The following ROBO4 variants were observed in gnomAD, a reference collection of about 807,000 sequenced individuals.
ROBO4 encodes the protein roundabout homolog 4.
Under a neutral mutation model 103.3 loss-of-function variants are expected in ROBO4, and 80 were observed. That is an observed-to-expected ratio of 0.77 (90% CI 0.65 to 0.93). The LOEUF (loss-of-function observed/expected upper bound fraction) is 0.93, where lower values mean the gene tolerates loss of function less well. ROBO4 is among the 40% of genes least tolerant of loss of function. The pLI is 0.00. For missense variants in ROBO4, 1,333 were observed against 1,305.3 expected (o/e 1.02, Z -0.33); for synonymous variants, 504 against 529.7 (o/e 0.95, Z 0.67).
rs755405569 is a variant in ROBO4, at chr11:124,886,701, C to A, written c.2557G>T (p.Gly853Trp). 1 of 1,608,944 alleles carries A rather than the reference C, an allele frequency of 6.2e-7. No individual in the cohort carries two copies. The highest frequency in any genetic ancestry group is 2.2e-5 in the East Asian group (1 of 44,778). Residue 853 changes from glycine (G) to tryptophan (W), a missense_variant, in exon 16 of 18, where the codon GGG (glycine) becomes TGG (tryptophan). Physicochemically the swap from Gly to Trp is radical, Grantham distance 184. Transcript: ENST00000306534. ...GRTGGGVGPK[G>W]GVLLCPPRPC... ...CGAGGTGGGCACAGCAAGACTCCCC[C>A]CTTGGGCCCCACCCCTCCTCCAGTC...
Position 124,893,655 on chromosome 11 carries a change from C to G in ROBO4, c.1547+33G>C, listed in dbSNP as rs867768398. On this transcript the variant is annotated intron_variant, in intron 10 of 17. Transcript: ENST00000306534. Reference sequence around the variant, plus strand: ...CAGCTCCACTGTCCCTTGCCACCCTCCCTTACTTCAGACCTCCCCTTTCAC... The same window carrying G: ...CAGCTCCACTGTCCCTTGCCACCCTGCCTTACTTCAGACCTCCCCTTTCAC... 2.5e-6 allele frequency: 4 copies of G among 1,606,898 alleles called. No homozygotes were observed. The African/African-American group carries it at 4.0e-5, about 16-fold the overall frequency.
chr11:124,888,912 C>T (rs747325458), intron 12 of ROBO4, among the ~76,000 whole-genome samples: 19 of 152,084 alleles, frequency 1.2e-4, no homozygotes, highest in Non-Finnish European at 2.5e-4. Context: ...GATTAGTGTC[C>T]CATGACCAGA....
At position 124,897,121 on chromosome 11, in the gene ROBO4, G is replaced by C; in HGVS notation, c.211C>G (p.Pro71Ala). ...GGGTCTGGGGGCACCATGCTCAGGG[G>C]CTGCCCATTCAGCAACCAGCGGATG... ...PTIRWLLNGQPLSMVPPDPHH... is the reference protein window; with the variant it reads ...PTIRWLLNGQALSMVPPDPHH... Residue 71 changes from proline to alanine, a missense_variant, in exon 2 of 18, where the codon CCC (proline) becomes GCC (alanine). Transcript: ENST00000306534. The C allele has an allele frequency of 6.3e-7, 1 of 1,580,432 alleles. No homozygotes were observed. The highest frequency in any genetic ancestry group is 8.6e-7 in the Non-Finnish European group (1 of 1,161,348).
In ROBO4 at chr11:124,892,053, C is replaced by T. The variant is rs1463933675; in HGVS notation, c.1548-251G>A. ...AGAGCTGGGAGGTAGTAATGACAGA[C>T]AGCTATGTATGCTGAGGTAAAAAGA... is the stretch of plus-strand genomic sequence containing the variant. On this transcript the variant is annotated intron_variant, in intron 10 of 17. Transcript: ENST00000306534. 1.3e-5 allele frequency: 9 copies of T among 681,826 alleles called. No homozygotes were observed. In the East Asian group the frequency reaches 2.6e-4, roughly 19 times the overall value. The allele number at this position is 681,826 out of a possible 1,614,324, so 42.2% of individuals were successfully genotyped here.
At position 124,895,213 on chromosome 11, in the gene ROBO4, A is replaced by T; in HGVS notation, c.1037-20T>A. Reference sequence around the variant, plus strand: ...TGGGCACTGGAGGGGTGGAAGAGAGACTATGAGGGGCTCTGAGGGAGAGGA... The same window carrying T: ...TGGGCACTGGAGGGGTGGAAGAGAGTCTATGAGGGGCTCTGAGGGAGAGGA... On this transcript the variant is annotated intron_variant, in intron 6 of 17. Coordinates refer to ENST00000306534, the MANE Select transcript of ROBO4 (RefSeq NM_019055.6). 6.4e-7 allele frequency: 1 copy of T among 1,569,368 alleles called. No homozygotes were observed. Among genetic ancestry groups the T allele is most frequent in the East Asian group, 2.2e-5 (1 of 44,628 alleles).
chr11:124,897,470 G>GCTCTCTCT (rs10553259), intron 1 of ROBO4: 3 of 507,894 alleles, frequency 5.9e-6, no homozygotes, highest in African/African-American at 4.0e-5. Flanking sequence ...TAGCATGTTC[G>GCTCTCTCT]CTCTCTCTCT....
chr11:124,885,068 G>A lies in ROBO4; in HGVS notation c.2974C>T (p.Leu992Phe). 1 of 1,614,186 alleles carries A rather than the reference G, an allele frequency of 6.2e-7. No individual in the cohort carries two copies. The highest frequency in any genetic ancestry group is 1.1e-5 in the South Asian group (1 of 91,084). The change falls in exon 17 of 18, where the codon CTC (leucine) becomes TTC (phenylalanine). Residue 992 changes from leucine to phenylalanine, a missense_variant. Transcript: ENST00000306534. ...DSQISSQRSQLHCRMPKAGAS... is the reference protein window; with the variant it reads ...DSQISSQRSQFHCRMPKAGAS... Reference sequence around the variant, plus strand: ...CCAGCCTTGGGCATACGACAGTGGAGCTGACTTCTCTGGGAAGAGATCTGA... The same window carrying A: ...CCAGCCTTGGGCATACGACAGTGGAACTGACTTCTCTGGGAAGAGATCTGA...
In ROBO4 at chr11:124,884,886, A is replaced by G; in HGVS notation, c.*5T>C. On this transcript the variant is annotated 3_prime_UTR_variant, in exon 18 of 18. Coordinates refer to ENST00000306534, the MANE Select transcript of ROBO4 (RefSeq NM_019055.6). ...TTCCCGTCTGGGAAGTCTCAGGGAC[A>G]CGGTTCAGGAGTAATCTACAGGAGA... 6.2e-7 allele frequency: 1 copy of G among 1,614,206 alleles called. No homozygotes were observed. The highest frequency in any genetic ancestry group is 8.5e-7 in the Non-Finnish European group (1 of 1,180,024).
Position 124,897,833 on chromosome 11 carries a change from T to C in ROBO4, c.-38A>G, listed in dbSNP as rs753215859. The C allele has an allele frequency of 1.3e-6, 2 of 1,535,198 alleles. No homozygotes were observed. Among genetic ancestry groups the C allele is most frequent in the African/African-American group, 2.7e-5 (2 of 73,494 alleles). On this transcript the variant is annotated 5_prime_UTR_variant, in exon 1 of 18. Coordinates refer to ENST00000306534, the MANE Select transcript of ROBO4 (RefSeq NM_019055.6). ...CCCTATGTCCTTGTCCCGAGCACTT[T>C]GTCCTGCTGCTCTGAGCTCACAGTG...
At chr11:124,897,379 T>C in intron 1 of ROBO4, 118 bp from the exon 2 acceptor site, 1 of 796,878 alleles carries the variant, frequency 1.3e-6, no homozygotes, top group Non-Finnish European at 1.9e-6. Flanking sequence ...TAATCTGAAC[T>C]ACTAAAGGTT....
Position 124,884,797 on chromosome 11 carries a change from A to T in ROBO4, c.*94T>A. 1 of 1,414,216 alleles carries T rather than the reference A, an allele frequency of 7.1e-7. No individual in the cohort carries two copies. 87.6% of individuals were successfully genotyped at this position (1,414,216 alleles called of 1,614,324 possible). ...GAAGGTGGACCCCAGCTGCAGAGAAACACAGGCCAAGACCCACACACCACA... is the reference window on the plus strand; with the variant it reads ...GAAGGTGGACCCCAGCTGCAGAGAATCACAGGCCAAGACCCACACACCACA... On this transcript the variant is annotated 3_prime_UTR_variant, in exon 18 of 18. Coordinates refer to ENST00000306534, the MANE Select transcript of ROBO4 (RefSeq NM_019055.6).
intron 13 of ROBO4, 60 bp downstream of exon 13, chr11:124,887,672 GC>G: frequency 6.4e-7 from 1 of 1,561,798 alleles, no homozygotes; most frequent in Non-Finnish European, 8.8e-7. Context: ...GGGCTGGTAA[GC>G]CCCTGCATCC....
Position 124,887,559 on chromosome 11 carries a change from C to G in ROBO4, c.2057-60G>C, listed in dbSNP as rs749350676. ...CATCCCCATCTGCTCTGGAGCTCAG[C>G]CTGCCGGCCTGCCCACCAGCCCCCT... On this transcript the variant is annotated intron_variant, in intron 13 of 17. Transcript: ENST00000306534. 98 of 1,600,602 alleles carry G rather than the reference C, an allele frequency of 6.1e-5. No individual in the cohort carries two copies. The East Asian group carries it at 7.8e-4, about 13-fold the overall frequency.
rs151234078 is a variant in ROBO4, at chr11:124,896,640, C to A, written c.431G>T (p.Arg144Leu). Reference sequence around the variant, plus strand: ...CTCACCCACCACAGCCACCATGTCCCGAGGCTGGATCTGGAAATCCTCCCG... The same window carrying A: ...CTCACCCACCACAGCCACCATGTCCAGAGGCTGGATCTGGAAATCCTCCCG... ...VLREDFQIQPRDMVAVVGEQF... is the reference protein window; with the variant it reads ...VLREDFQIQPLDMVAVVGEQF... The change falls in exon 3 of 18, where the codon CGG becomes CTG. Residue 144 changes from arginine to leucine, a missense_variant. Arg to Leu is a moderately radical substitution (Grantham distance 102, BLOSUM62 -2). Coordinates refer to ENST00000306534, the MANE Select transcript of ROBO4 (RefSeq NM_019055.6). 6.2e-6 allele frequency: 10 copies of A among 1,614,006 alleles called. 1 individual carries two copies. In the South Asian group the frequency reaches 7.7e-5, roughly 12 times the overall value.
chr11:124,889,792 A>G (rs58979646), intron 12 of ROBO4, among the ~76,000 whole-genome samples: 3,152 of 152,262 alleles, frequency 0.021, 109 homozygotes, highest in African/African-American at 0.071. Context: ...AAGAAACAGC[A>G]GTAGAATCAA....
chr11:124,897,418 G>T (rs1181361807), intron 1 of ROBO4, among the ~76,000 whole-genome samples, 157 bp from the exon 2 acceptor site: 1 of 152,160 alleles, frequency 6.6e-6, no homozygotes, highest in African/African-American at 2.4e-5. Context: ...CAGCTAGGAG[G>T]AGAGAGGGCC....
chr11:124,895,824 C>G lies in ROBO4; in HGVS notation c.768G>C (p.Glu256Asp). Residue 256 changes from glutamate (E) to aspartate (D), a missense_variant, in exon 5 of 18, where the codon GAG (glutamate) becomes GAC (aspartate). By Grantham distance (45) the Glu-to-Asp change is conservative. Transcript: ENST00000306534. The stretch of plus-strand genomic sequence containing the variant: ...ACACCGCCGGTCTAGGCTTGGGGCC[C>G]TCTGCAGGATCCGGGTTCAGCAGTG... ...NVTLLNPDPA[E>D]GPKPRPAVWL... 1 of 1,614,178 alleles carries G rather than the reference C, an allele frequency of 6.2e-7. No homozygotes were observed. The highest frequency in any genetic ancestry group is 8.5e-7 in the Non-Finnish European group (1 of 1,180,048).
At chr11:124,887,945 A>G in intron 12 of ROBO4, 105 bp from the exon 13 acceptor site, 1 of 885,318 alleles carries the variant, frequency 1.1e-6, no homozygotes, top group East Asian at 2.6e-5. Context: ...ACGACCCTGA[A>G]CCCAGAGAAA....
chr11:124,886,514 T>C lies in ROBO4; in HGVS notation c.2744A>G (p.Asp915Gly), dbSNP rs76354807. ...GGGCTCTAGACCGAAACCAAAGCTA[T>C]CCACAGCCACTGCCAGGGCCCGGGC... ...HFARALAVAV[D>G]SFGFGLEPRE... The change falls in exon 16 of 18, where the codon GAT becomes GGT. Residue 915 changes from aspartate to glycine, a missense_variant. Physicochemically the swap from Asp to Gly is moderately conservative, Grantham distance 94. Transcript: ENST00000306534. 6.2e-7 allele frequency: 1 copy of C among 1,614,032 alleles called. No individual in the cohort carries two copies. Among genetic ancestry groups the C allele is most frequent in the East Asian group, 2.2e-5 (1 of 44,858 alleles).
Sources: allele counts gnomAD v4.1 joint callset (sites outside exome capture counted in the v4.1 genomes callset), GRCh38; gene constraint gnomAD v4.1.1; transcripts MANE v1.5; gene names NCBI Gene and HGNC (gene_info 2026-07-23, HGNC 2026-07-21).